Variants in EIF4G3 observed in about 807,000 individuals in gnomAD.
EIF4G3 encodes eukaryotic translation initiation factor 4 gamma 3, also known as eIF-4-gamma 3.
In EIF4G3, 34 loss-of-function variants were observed where a neutral mutation model predicts 186.4. The ratio of observed to expected loss-of-function variants is 0.18; its 90% CI spans 0.14 to 0.24. The LOEUF (loss-of-function observed/expected upper bound fraction) is 0.24. Among genes scored for constraint, EIF4G3 ranks in the 10% least tolerant of loss-of-function variants. The pLI is 1.00. For missense variants in EIF4G3, 1,536 were observed against 1,948.5 expected (o/e 0.79, Z 3.99); for synonymous variants, 673 against 679.5 (o/e 0.99, Z 0.15).
At chr1:20,884,272 T>A (rs187329414) in intron 19 of EIF4G3, among the ~76,000 whole-genome samples, 78 of 152,320 alleles carry the variant, frequency 5.1e-4, no homozygotes, top group African/African-American at 1.7e-3. Context: ...AATAAGACAA[T>A]AACGGAGAGG....
At chr1:20,967,118 G>A (rs1289457944) in intron 12 of EIF4G3, among the ~76,000 whole-genome samples, 1 of 152,136 alleles carries the variant, frequency 6.6e-6, no homozygotes, top group African/African-American at 2.4e-5. Context: ...AGAACAAAAA[G>A]ATGTCTGTAG....
chr1:20,976,930 T>C (rs746792970), intron 10 of EIF4G3, among the ~76,000 whole-genome samples: 5 of 152,136 alleles, frequency 3.3e-5, no homozygotes, highest in Non-Finnish European at 5.9e-5. Context: ...ATAGATTATG[T>C]ATATTTTAAA....
At chr1:21,082,111 T>G (rs1251353339) in intron 3 of EIF4G3, among the ~76,000 whole-genome samples, 1 of 150,634 alleles carries the variant, frequency 6.6e-6, no homozygotes, top group Non-Finnish European at 1.5e-5. Flanking sequence ...TGACTTTTAA[T>G]GCTTCTTTGA....
intron 6 of EIF4G3, among the ~76,000 whole-genome samples, chr1:20,997,929 A>C (rs1171511570): frequency 1.3e-5 from 2 of 151,944 alleles, no homozygotes; most frequent in Non-Finnish European, 2.9e-5. Flanking sequence ...AAAAAAAAAA[A>C]AAACCCTAAA....
At chr1:20,885,974 A>G (rs561416021) in intron 19 of EIF4G3, among the ~76,000 whole-genome samples, 4 of 152,310 alleles carry the variant, frequency 2.6e-5, no homozygotes, top group African/African-American at 9.6e-5. Flanking sequence ...TGACACATGA[A>G]CCCTCTAGAC....
chr1:20,937,409 C>T (rs1367868407), intron 14 of EIF4G3, among the ~76,000 whole-genome samples: 4 of 152,094 alleles, frequency 2.6e-5, no homozygotes, highest in Admixed American at 1.3e-4. Flanking sequence ...AATGCTTTCC[C>T]CAAGACATGC....
chr1:20,944,543 GAGA>G (rs1172292538), intron 13 of EIF4G3, among the ~76,000 whole-genome samples: 1 of 149,900 alleles, frequency 6.7e-6, no homozygotes, highest in Non-Finnish European at 1.5e-5. Context: ...GAAAAGTGGG[GAGA>G]AGGAGAGAGG....
Position 20,851,544 on chromosome 1 carries a change from T to C in EIF4G3, c.3552-66A>G. 2.1e-6 allele frequency: 3 copies of C among 1,458,874 alleles called. No homozygotes were observed. In the East Asian group the frequency reaches 6.9e-5, roughly 34 times the overall value. The allele number at this position is 1,458,874 out of a possible 1,614,324, so 90.4% of individuals were successfully genotyped here. A position where few individuals can be genotyped will look rare whatever the true frequency, so the allele number is the denominator to read the frequency against. Reference sequence around the variant, plus strand: ...CCATGTCCCCCACATATTCAAATTATAAAATAACACTAAGACTTTCTGAAA... The same window carrying C: ...CCATGTCCCCCACATATTCAAATTACAAAATAACACTAAGACTTTCTGAAA... On this transcript the variant is annotated intron_variant, in intron 27 of 36. Coordinates refer to ENST00000602326, the MANE Select transcript of EIF4G3 (RefSeq NM_001391906.1).
intron 3 of EIF4G3, among the ~76,000 whole-genome samples, chr1:21,054,637 T>C (rs1557736753): frequency 2.0e-5 from 3 of 152,292 alleles, no homozygotes; most frequent in South Asian, 4.1e-4. Flanking sequence ...TTTCAGTTCA[T>C]AGGTCTTCTG....
At chr1:21,069,805 G>A (rs778475113) in intron 3 of EIF4G3, among the ~76,000 whole-genome samples, 2 of 152,136 alleles carry the variant, frequency 1.3e-5, no homozygotes, top group Non-Finnish European at 2.9e-5. Flanking sequence ...GCAGCATCTG[G>A]ATTTCACAAA....
At chr1:21,048,479 G>A (rs2094021873) in intron 4 of EIF4G3, among the ~76,000 whole-genome samples, 1 of 151,940 alleles carries the variant, frequency 6.6e-6, no homozygotes. Context: ...CCTGGTTCCT[G>A]GTTGCTCCTG....
chr1:20,904,888 A>C lies in EIF4G3; in HGVS notation c.1747T>G (p.Leu583Val). Residue 583 changes from leucine (L) to valine (V), a missense_variant, in exon 15 of 37, where the codon TTG becomes GTG. Transcript: ENST00000602326. ...AACTTAAGAGATTTGCTTACCTCCA[A>C]TTCTGCCTCTAACATCTCTTCAGTG... ...RTTEEMLEAELELKAEEELSI... is the reference protein window; with the variant it reads ...RTTEEMLEAEVELKAEEELSI... 1 of 1,613,356 alleles carries C rather than the reference A, an allele frequency of 6.2e-7. No individual in the cohort carries two copies. Among genetic ancestry groups the C allele is most frequent in the Non-Finnish European group, 8.5e-7 (1 of 1,179,444 alleles).
chr1:20,981,750 A>ATG (rs2078312558), intron 8 of EIF4G3, among the ~76,000 whole-genome samples: 1 of 147,932 alleles, frequency 6.8e-6, no homozygotes, highest in Non-Finnish European at 1.5e-5. Flanking sequence ...ATACACATAC[A>ATG]TATATGTATA....
At chr1:20,945,666 A>G (rs2154562873) in intron 13 of EIF4G3, among the ~76,000 whole-genome samples, 1 of 152,204 alleles carries the variant, frequency 6.6e-6, no homozygotes, top group Admixed American at 6.5e-5. Context: ...GGGTATCGCT[A>G]TGTTACTCAG....
At chr1:20,953,982 A>G (rs1296274220) in intron 12 of EIF4G3, among the ~76,000 whole-genome samples, 4 of 152,234 alleles carry the variant, frequency 2.6e-5, no homozygotes, top group Non-Finnish European at 4.4e-5. Context: ...TAAAAGAGAC[A>G]ATATGGCTGC....
At chr1:20,971,132 G>A (rs1228642529) in intron 11 of EIF4G3, among the ~76,000 whole-genome samples, 2 of 152,178 alleles carry the variant, frequency 1.3e-5, no homozygotes, top group Non-Finnish European at 2.9e-5. Context: ...CTGTAAAGGA[G>A]GTAAGTGTCT....
At position 20,810,620 on chromosome 1, in the gene EIF4G3, T is replaced by G; in HGVS notation, c.4744+118A>C. The stretch of plus-strand genomic sequence containing the variant: ...AATTTATTAAAGTTAGTTATATGAG[T>G]TTGTGTTATTAGTGATTCTTTTATT... On this transcript the variant is annotated intron_variant, in intron 36 of 36. Transcript: ENST00000602326. This position sits in a 1 kb window ranked among gnomAD's most constrained non-coding sequence, Gnocchi z 4.1. 1.7e-6 allele frequency: 2 copies of G among 1,200,118 alleles called. No homozygotes were observed. The highest frequency in any genetic ancestry group is 2.4e-6 in the Non-Finnish European group (2 of 845,712). The allele number at this position is 1,200,118 out of a possible 1,614,324, so 74.3% of individuals were successfully genotyped here. A position where few individuals can be genotyped will look rare whatever the true frequency, so the allele number is the denominator to read the frequency against.
intron 30 of EIF4G3, among the ~76,000 whole-genome samples, chr1:20,835,942 G>GA (rs59656819): frequency 0.12 from 16,349 of 137,168 alleles, 1,147 homozygotes; most frequent in East Asian, 0.34. Context: ...ATCTCAGAGA[G>GA]AAAAAAAAAA....
At chr1:21,101,575 A>AAAAAAAAAAAAG (rs1557966654) in intron 2 of EIF4G3, among the ~76,000 whole-genome samples, 1 of 131,074 alleles carries the variant, frequency 7.6e-6, no homozygotes, top group Non-Finnish European at 1.6e-5. Flanking sequence ...AAAAAAAAAA[A>AAAAAAAAAAAAG]CAACAAAAAA....
Sources: allele counts gnomAD v4.1 joint callset (sites outside exome capture counted in the v4.1 genomes callset), GRCh38; gene constraint gnomAD v4.1.1; non-coding constraint Gnocchi (gnomAD v3.1); transcripts MANE v1.5; gene names NCBI Gene and HGNC (gene_info 2026-07-23, HGNC 2026-07-21).